The following KIF1B variants were observed in gnomAD, a reference collection of about 807,000 sequenced individuals.
KIF1B encodes kinesin-like protein KIF1B.
KIF1B carries 76 observed loss-of-function variants against 241.9 expected under a neutral mutation model. The observed-to-expected ratio is 0.31, with a 90% CI of 0.26 to 0.38. The LOEUF is 0.38. Ranked by LOEUF, KIF1B falls within the 10% of genes least tolerant of loss-of-function variation. The probability of loss-of-function intolerance (pLI) is 1.00; values close to 1 mark genes in which losing one functional copy is unlikely to be tolerated. For synonymous variants in KIF1B, 750 were observed against 796.7 expected (o/e 0.94, Z 0.99); for missense variants, 1,622 against 2,271.4 (o/e 0.71, Z 5.81).
At chr1:10,247,033 T>C (rs1195096339) in intron 2 of KIF1B, among the ~76,000 whole-genome samples, 1 of 152,100 alleles carries the variant, frequency 6.6e-6, no homozygotes, top group East Asian at 1.9e-4. Flanking sequence ...CCCAGCTAAT[T>C]TTTGTATTTT....
At chr1:10,361,116 G>A (rs1368795409) in intron 39 of KIF1B, 73 bp downstream of exon 39, 1 of 978,308 alleles carries the variant, frequency 1.0e-6, no homozygotes, top group East Asian at 2.4e-5. Flanking sequence ...GCAGGAAGTG[G>A]TCAGCGAAGA....
At chr1:10,372,661 GAGC>G (rs1256201047) in intron 45 of KIF1B, among the ~76,000 whole-genome samples, 2 of 120,538 alleles carry the variant, frequency 1.7e-5, no homozygotes, top group East Asian at 3.0e-4. Context: ...TTGGGTGACA[GAGC>G]TGTCACCCAA....
intron 1 of KIF1B, among the ~76,000 whole-genome samples, chr1:10,217,767 A>G (rs539555269): frequency 6.6e-6 from 1 of 151,054 alleles, no homozygotes; most frequent in African/African-American, 2.4e-5. Context: ...CCTTCCCACC[A>G]CCACAATCTT....
At position 10,337,164 on chromosome 1, in the gene KIF1B, A is replaced by G. The variant is rs1171524410; in HGVS notation, c.3220A>G (p.Ile1074Val). 3 of 1,614,090 alleles carry G rather than the reference A, an allele frequency of 1.9e-6. No individual in the cohort carries two copies. The African/African-American group carries it at 4.0e-5, about 22-fold the overall frequency. ...AGGACAGGGTCAGAGTTCTGAGGTC[A>G]TCACTCCTCCAGAAGAAATCAGTCG... is the stretch of plus-strand genomic sequence containing the variant. ...VEGQGQSSEVITPPEEISRIN... is the reference protein window; with the variant it reads ...VEGQGQSSEVVTPPEEISRIN... Residue 1074 changes from isoleucine (I) to valine (V), a missense_variant, in exon 30 of 49, where the codon ATC (isoleucine) becomes GTC (valine). By Grantham distance (29) the Ile-to-Val change is conservative. Transcript: ENST00000676179. This position sits in a 1 kb window ranked among gnomAD's most constrained non-coding sequence, Gnocchi z 4.0.
intron 40 of KIF1B, among the ~76,000 whole-genome samples, chr1:10,362,613 C>A (rs1416608581): frequency 1.3e-5 from 2 of 151,890 alleles, no homozygotes; most frequent in Non-Finnish European, 2.9e-5. Flanking sequence ...CTACTACTCA[C>A]AATCCCCAGA....
chr1:10,378,005 A>G lies in KIF1B; in HGVS notation c.*1418A>G. On this transcript the variant is annotated 3_prime_UTR_variant, in exon 49 of 49. Coordinates refer to ENST00000676179, the MANE Select transcript of KIF1B (RefSeq NM_001365951.3). ...GTTACAGCTCCCTTTGATCAAAGAA[A>G]TATAGCTTTCAGGCATAAACCTGGA... 3.1e-6 allele frequency: 1 copy of G among 322,232 alleles called. No individual in the cohort carries two copies. The highest frequency in any genetic ancestry group is 4.5e-5 in the Admixed American group (1 of 22,016). The allele number at this position is 322,232 out of a possible 1,614,324, so 20.0% of individuals were successfully genotyped here.
Position 10,348,662 on chromosome 1 carries a change from G to C in KIF1B, c.3878G>C (p.Arg1293Thr). 6.2e-7 allele frequency: 1 copy of C among 1,614,084 alleles called. No individual in the cohort carries two copies. Among genetic ancestry groups the C allele is most frequent in the Non-Finnish European group, 8.5e-7 (1 of 1,179,958 alleles). ...TTCATTACCTAGGGCATCCAGCGAA[G>C]GATCACAGTGACCATTATCCATGAG... ...TFLLHQGIQRRITVTIIHEKG... is the reference protein window; with the variant it reads ...TFLLHQGIQRTITVTIIHEKG... Residue 1293 changes from arginine (R) to threonine (T), a missense_variant, in exon 37 of 49, where the codon AGG becomes ACG. By Grantham distance (71) the Arg-to-Thr change is moderately conservative. This residue lies in a region of KIF1B where 803 missense variants were observed against 1,112.0 expected (regional missense o/e 0.72). Transcript: ENST00000676179.
Position 10,232,246 on chromosome 1 carries a change from A to G in KIF1B, c.-79-4A>G, listed in dbSNP as rs886044965. ...CCTCATATGGAATTTTTTTCTTTTC[A>G]AAGGAAACTTGGCTGTAACTTCAAA... On this transcript the variant is annotated splice_polypyrimidine_tract_variant and splice_region_variant and intron_variant, in intron 1 of 48. Transcript: ENST00000676179. 5 of 1,105,054 alleles carry G rather than the reference A, an allele frequency of 4.5e-6. No homozygotes were observed. The highest frequency in any genetic ancestry group is 6.7e-6 in the Non-Finnish European group (5 of 748,054). 68.5% of individuals were successfully genotyped at this position (1,105,054 alleles called of 1,614,324 possible).
chr1:10,213,511 T>C (rs1646724162), intron 1 of KIF1B, among the ~76,000 whole-genome samples: 1 of 152,206 alleles, frequency 6.6e-6, no homozygotes, highest in African/African-American at 2.4e-5. Flanking sequence ...GGTCTTGTCC[T>C]GGGTACAAAG....
At chr1:10,329,850 T>G (rs913469616) in intron 27 of KIF1B, among the ~76,000 whole-genome samples, 1 of 152,216 alleles carries the variant, frequency 6.6e-6, no homozygotes, top group Non-Finnish European at 1.5e-5. Context: ...CCTTTAGCTA[T>G]TCTCTTATGG....
At chr1:10,282,624 A>G (rs1410347561) in intron 15 of KIF1B, 91 bp downstream of exon 15, 19 of 1,067,208 alleles carry the variant, frequency 1.8e-5, no homozygotes, top group Non-Finnish European at 5.8e-6. Context: ...TCGACTCAGC[A>G]TATGGAGAAC....
intron 2 of KIF1B, among the ~76,000 whole-genome samples, chr1:10,237,656 C>T (rs940223294): frequency 4.6e-5 from 7 of 151,970 alleles, no homozygotes; most frequent in Non-Finnish European, 8.8e-5. Context: ...GCATACATTT[C>T]TAAACCAAAT....
chr1:10,286,229 G>A (rs980635222), intron 15 of KIF1B, among the ~76,000 whole-genome samples: 4 of 152,098 alleles, frequency 2.6e-5, no homozygotes, highest in Non-Finnish European at 5.9e-5. Flanking sequence ...TAGTAGAGAC[G>A]GGGTTTCGCC....
chr1:10,268,045 TAA>T (rs1304447424), intron 6 of KIF1B, 105 bp from the exon 7 acceptor site: 2 of 778,832 alleles, frequency 2.6e-6, no homozygotes, highest in East Asian at 5.3e-5. Flanking sequence ...TGAATAAGTT[TAA>T]GACTATTGCT....
intron 3 of KIF1B, among the ~76,000 whole-genome samples, chr1:10,256,546 A>G (rs1647792448): frequency 6.6e-6 from 1 of 152,166 alleles, no homozygotes; most frequent in African/African-American, 2.4e-5. Flanking sequence ...ACATATATAC[A>G]TACAGAACAT....
chr1:10,294,489 G>A lies in KIF1B; in HGVS notation c.1591-597G>A, dbSNP rs190552711. ...CATTTACAAAAATTATAATTATTCC[G>A]TTCAGAGAATTGGCCTGTCATTTTT... On this transcript the variant is annotated intron_variant, in intron 17 of 48. Transcript: ENST00000676179. Among the ~76,000 whole-genome samples the A allele has an allele frequency of 1.2e-3, 177 of 152,154 alleles. 1 individual carries two copies. Among genetic ancestry groups the A allele is most frequent in the African/African-American group, 3.9e-3 (162 of 41,508 alleles).
At chr1:10,283,499 A>G (rs1343717943) in intron 15 of KIF1B, among the ~76,000 whole-genome samples, 1 of 152,204 alleles carries the variant, frequency 6.6e-6, no homozygotes, top group East Asian at 1.9e-4. Context: ...TTGTATGAAT[A>G]TGAAAGTTAA....
chr1:10,244,794 A>G (rs949000069), intron 2 of KIF1B, among the ~76,000 whole-genome samples: 2 of 147,794 alleles, frequency 1.4e-5, no homozygotes, highest in Admixed American at 6.8e-5. Context: ...TTGTATTTTT[A>G]GTAGAGACGG....
At chr1:10,321,463 T>G (rs1225596281) in intron 23 of KIF1B, among the ~76,000 whole-genome samples, 3 of 152,114 alleles carry the variant, frequency 2.0e-5, no homozygotes, top group Non-Finnish European at 2.9e-5. Flanking sequence ...AAAGAAAAAT[T>G]TATTTCTTTG....
Sources: allele counts gnomAD v4.1 joint callset (sites outside exome capture counted in the v4.1 genomes callset), GRCh38; gene constraint gnomAD v4.1.1; regional missense constraint gnomAD v4.1.1; non-coding constraint Gnocchi (gnomAD v3.1); transcripts MANE v1.5; gene names NCBI Gene and HGNC (gene_info 2026-07-23, HGNC 2026-07-21).